Variants in SORBS2 observed in about 807,000 individuals in gnomAD.
SORBS2 encodes the protein sorbin and SH3 domain-containing protein 2.
Under a neutral mutation model 97.7 loss-of-function variants are expected in SORBS2, and 46 were observed. That is an observed-to-expected ratio of 0.47 (90% CI 0.37 to 0.60). SORBS2 has a LOEUF of 0.60. Ranked by LOEUF, SORBS2 falls within the 20% of genes least tolerant of loss-of-function variation. The pLI is 0.00. For synonymous variants in SORBS2, 476 were observed against 473.4 expected, an observed-to-expected ratio of 1.01 and a Z score of -0.07; for missense variants, 1,316 against 1,282.3, an observed-to-expected ratio of 1.03 and a Z score of -0.40.
chr4:185,891,315 C>T (rs1229627900), intron 1 of SORBS2, among the ~76,000 whole-genome samples: 1 of 152,166 alleles, frequency 6.6e-6, no homozygotes, highest in Admixed American at 6.5e-5. Context: ...CCCCACTTTG[C>T]CTTTAACCTC....
chr4:185,597,764 CT>C (rs1267361474), intron 12 of SORBS2, among the ~76,000 whole-genome samples: 2 of 152,198 alleles, frequency 1.3e-5, no homozygotes, highest in African/African-American at 2.4e-5. Context: ...TGTAATGCAG[CT>C]GCACTCTGTC....
At chr4:185,775,545 A>T (rs1445149257) in intron 1 of SORBS2, 179 bp from the exon 2 acceptor site, 1 of 152,162 alleles carries the variant, frequency 6.6e-6, no homozygotes, top group Non-Finnish European at 1.5e-5. Context: ...GGGGGGAGAA[A>T]ACACCAACCA....
intron 12 of SORBS2, among the ~76,000 whole-genome samples, chr4:185,608,405 A>T (rs966471190): frequency 6.6e-6 from 1 of 152,234 alleles, no homozygotes; most frequent in Non-Finnish European, 1.5e-5. Flanking sequence ...TTTGATGCTA[A>T]CGGGAGGGAG....
chr4:185,762,960 G>A (rs150570792), intron 2 of SORBS2, among the ~76,000 whole-genome samples: 3,547 of 152,188 alleles, frequency 0.023, 140 homozygotes, highest in African/African-American at 0.081. Flanking sequence ...AGGCTGAAGC[G>A]GGTGGATCAC....
intron 12 of SORBS2, among the ~76,000 whole-genome samples, chr4:185,594,699 C>T (rs1346162866): frequency 6.6e-6 from 1 of 152,060 alleles, no homozygotes; most frequent in East Asian, 1.9e-4. Context: ...CCTTAGCATC[C>T]CATATACCCA....
Position 185,661,983 on chromosome 4 carries a change from T to TG in SORBS2, c.94+120dup, listed in dbSNP as rs3833627. ...TGGGTCCTCTGCCCCAGTTTCTCCC[T>TG]GGGGATAGGGTCATGAGTGCTGAGC... is the stretch of plus-strand genomic sequence containing the variant. On this transcript the variant is annotated intron_variant, in intron 5 of 20. Transcript: ENST00000284776. 7,716 of 1,071,944 alleles carry TG rather than the reference T, an allele frequency of 7.2e-3. 225 individuals are homozygous for TG. In the East Asian group the frequency reaches 0.082, roughly 11 times the overall value. The allele number at this position is 1,071,944 out of a possible 1,614,324, so 66.4% of individuals were successfully genotyped here.
intron 12 of SORBS2, among the ~76,000 whole-genome samples, chr4:185,595,043 A>G (rs2096053773): frequency 6.6e-6 from 1 of 152,156 alleles, no homozygotes; most frequent in Non-Finnish European, 1.5e-5. Context: ...AACCCCACTG[A>G]TCCAAGCTTG....
Position 185,639,400 on chromosome 4 carries a change from C to T in SORBS2, c.396+7268G>A, listed in dbSNP as rs11938403. On this transcript the variant is annotated intron_variant, in intron 4 of 14. Transcript: ENST00000418609. ...CCAGTTTTATAATTGACCTGCTTCCCTGCAGAGGTTTCTGAATGTTGTTTT... is the reference window on the plus strand; with the variant it reads ...CCAGTTTTATAATTGACCTGCTTCCTTGCAGAGGTTTCTGAATGTTGTTTT... Among the ~76,000 whole-genome samples, 279 of 152,300 alleles carry T rather than the reference C, an allele frequency of 1.8e-3. 1 individual carries two copies. Among genetic ancestry groups the T allele is most frequent in the African/African-American group, 6.3e-3 (261 of 41,556 alleles).
At chr4:185,766,126 A>G (rs2098932800) in intron 2 of SORBS2, among the ~76,000 whole-genome samples, 1 of 152,266 alleles carries the variant, frequency 6.6e-6, no homozygotes, top group South Asian at 2.1e-4. Context: ...TTTCTACTTC[A>G]GAATGAGGCG....
intron 2 of SORBS2, among the ~76,000 whole-genome samples, chr4:185,694,706 C>CTTTCTTTTTTTTTTTT (rs1388020260): frequency 8.0e-6 from 1 of 124,244 alleles, no homozygotes; most frequent in African/African-American, 3.0e-5. Context: ...CCTTTTCTTT[C>CTTTCTTTTTTTTTTTT]TTTTCTTTTC....
At position 185,804,471 on chromosome 4, in the gene SORBS2, T is replaced by C. The variant is rs571376926; in HGVS notation, c.-337-29105A>G. 2.0e-5 allele frequency among the ~76,000 whole-genome samples: 3 copies of C among 152,330 alleles called. No individual in the cohort carries two copies. The East Asian group carries it at 5.8e-4, about 29-fold the overall frequency. Reference sequence around the variant, plus strand: ...TATAAAAATAATACAACATGTAAAGTGGTATCGGCGCATCTAAGACAAAGC... The same window carrying C: ...TATAAAAATAATACAACATGTAAAGCGGTATCGGCGCATCTAAGACAAAGC... On this transcript the variant is annotated intron_variant, in intron 1 of 20. Coordinates refer to the SORBS2 transcript ENST00000284776.
At chr4:185,872,224 C>T (rs1308046683) in intron 1 of SORBS2, among the ~76,000 whole-genome samples, 1 of 152,190 alleles carries the variant, frequency 6.6e-6, no homozygotes, top group Non-Finnish European at 1.5e-5. Flanking sequence ...AATCCTCCTA[C>T]AGGCAACTTT....
intron 2 of SORBS2, among the ~76,000 whole-genome samples, chr4:185,725,138 G>T (rs2098546729): frequency 6.6e-6 from 1 of 152,162 alleles, no homozygotes; most frequent in Admixed American, 6.5e-5. Flanking sequence ...GATTTAGGCA[G>T]ATCTATTTTT....
intron 2 of SORBS2, among the ~76,000 whole-genome samples, chr4:185,765,743 GCAT>G (rs2098930874): frequency 6.6e-6 from 1 of 152,094 alleles, no homozygotes; most frequent in East Asian, 1.9e-4. Flanking sequence ...AGACAAGTAG[GCAT>G]CATCAATTTT....
chr4:185,953,690 C>G (rs976829881), intron 1 of SORBS2, among the ~76,000 whole-genome samples: 1 of 152,216 alleles, frequency 6.6e-6, no homozygotes, highest in South Asian at 2.1e-4. Context: ...TAGCCAGGCC[C>G]CTCTTCTCAG....
At chr4:185,765,517 A>G (rs1038301022) in intron 2 of SORBS2, among the ~76,000 whole-genome samples, 11 of 152,208 alleles carry the variant, frequency 7.2e-5, no homozygotes, top group African/African-American at 2.4e-4. Flanking sequence ...GTAAGGGGAT[A>G]AAAATCTCAC....
At chr4:185,633,078 G>C (rs1314618745) in intron 4 of SORBS2, among the ~76,000 whole-genome samples, 1 of 152,150 alleles carries the variant, frequency 6.6e-6, no homozygotes, top group Admixed American at 6.5e-5. Context: ...GGTCAATTTA[G>C]TGAAGTACAG....
At chr4:185,853,726 G>A (rs2149691250) in intron 1 of SORBS2, among the ~76,000 whole-genome samples, 1 of 152,270 alleles carries the variant, frequency 6.6e-6, no homozygotes, top group African/African-American at 2.4e-5. Flanking sequence ...CCTCAGACTT[G>A]GAGTAGAAAC....
rs1029187910 is a variant in SORBS2, at chr4:185,607,535, T to C, written c.2796+4245A>G. On this transcript the variant is annotated intron_variant, in intron 12 of 14. Coordinates refer to ENST00000418609, the Ensembl canonical transcript of SORBS2. This position sits in a 1 kb window ranked among gnomAD's most constrained non-coding sequence, Gnocchi z 5.2. ...TAGATTTGAAGGTATTTTGCTGAAA[T>C]TTAAATACATAAAATCATTTATGTT... is the stretch of plus-strand genomic sequence containing the variant. 1.3e-5 allele frequency among the ~76,000 whole-genome samples: 2 copies of C among 152,182 alleles called. No individual in the cohort carries two copies. The highest frequency in any genetic ancestry group is 2.1e-4 in the South Asian group (1 of 4,824).
Sources: gnomAD v4.1 joint callset for allele counts (sites outside exome capture counted in the v4.1 genomes callset) on GRCh38, gnomAD v4.1.1 for gene constraint, Gnocchi (gnomAD v3.1) non-coding constraint, MANE v1.5 for transcripts, NCBI Gene and HGNC (gene_info 2026-07-23, HGNC 2026-07-21) for gene names.